BEND7: variants seen among roughly 807,000 people sequenced by gnomAD.
The protein encoded by BEND7 is BEN domain-containing protein 7.
In BEND7, 28 loss-of-function variants were observed where a neutral mutation model predicts 50.9. The ratio of observed to expected loss-of-function variants is 0.55; its 90% CI spans 0.41 to 0.75. The LOEUF (loss-of-function observed/expected upper bound fraction) is 0.75. BEND7 is among the 30% of genes least tolerant of loss of function. BEND7 has a pLI of 0.00. For missense variants in BEND7, 477 were observed against 491.3 expected (o/e 0.97, Z 0.28); for synonymous variants, 170 against 183.9 (o/e 0.92, Z 0.61).
chr10:13,516,199 T>C (rs1050929018), intron 2 of BEND7, among the ~76,000 whole-genome samples: 1 of 152,176 alleles, frequency 6.6e-6, no homozygotes, highest in African/African-American at 2.4e-5. Context: ...AAACTGAGAC[T>C]GGAAGGATAA....
downstream of BEND7, among the ~76,000 whole-genome samples, chr10:13,440,462 C>T (rs1231572571): frequency 6.6e-6 from 1 of 152,202 alleles, no homozygotes; most frequent in African/African-American, 2.4e-5. Flanking sequence ...CAGGCAGCAG[C>T]TCCTGCCCCT....
rs1158391886 is a variant in BEND7, at chr10:13,501,235, G to A, written c.146-1155C>T. Among the ~76,000 whole-genome samples the A allele has an allele frequency of 5.9e-5, 9 of 151,912 alleles. No homozygotes were observed. The South Asian group carries it at 8.3e-4, about 14-fold the overall frequency. On this transcript the variant is annotated intron_variant, in intron 2 of 8. Coordinates refer to ENST00000466271, the MANE Select transcript of BEND7 (RefSeq NM_001369863.1). ...ACTGAAAATACAAAATTAGCCAGGC[G>A]TGGTGGCACATGCCTGTAATCCCAG... is the stretch of plus-strand genomic sequence containing the variant.
intron 7 of BEND7, among the ~76,000 whole-genome samples, chr10:13,449,892 C>T (rs777683599): frequency 3.3e-5 from 5 of 152,210 alleles, no homozygotes; most frequent in Non-Finnish European, 4.4e-5. Flanking sequence ...ATTATAACAT[C>T]TATCTGCAAC....
intron 7 of BEND7, 43 bp from the exon 8 acceptor site, chr10:13,447,359 G>A (rs1233323665): frequency 1.3e-6 from 2 of 1,599,840 alleles, no homozygotes; most frequent in Non-Finnish European, 1.7e-6. Flanking sequence ...TTAGTTCCAG[G>A]GAGCACATTC....
rs190528865 is a variant in BEND7, at chr10:13,487,861, G to C, written c.837+4750C>G. Among the ~76,000 whole-genome samples, 206 of 152,158 alleles carry C rather than the reference G, an allele frequency of 1.4e-3. 5 individuals carry two copies. The South Asian group carries it at 0.033, about 24-fold the overall frequency. ...TAATCTCAGCACTTTGCGAGGACGA[G>C]GCGGATGGATCACTTGAGGCCAGGA... On this transcript the variant is annotated intron_variant, in intron 5 of 8. Transcript: ENST00000466271.
intron 6 of BEND7, among the ~76,000 whole-genome samples, chr10:13,477,871 A>C (rs1008344978): frequency 6.6e-6 from 1 of 152,216 alleles, no homozygotes; most frequent in Non-Finnish European, 1.5e-5. Context: ...ATTTATGGAA[A>C]TACTGGTCTG....
At chr10:13,474,550 G>A (rs1165094508) in intron 6 of BEND7, among the ~76,000 whole-genome samples, 2 of 137,688 alleles carry the variant, frequency 1.5e-5, no homozygotes, top group East Asian at 4.3e-4. Flanking sequence ...GTTGGACTCG[G>A]GTTGATACCC....
chr10:13,489,715 G>A (rs1325764016), intron 5 of BEND7, among the ~76,000 whole-genome samples: 2 of 152,112 alleles, frequency 1.3e-5, no homozygotes, highest in African/African-American at 2.4e-5. Flanking sequence ...CAGGAGGATC[G>A]TTCAAATCAC....
chr10:13,513,569 C>A (rs1255287215), intron 2 of BEND7, among the ~76,000 whole-genome samples: 1 of 152,142 alleles, frequency 6.6e-6, no homozygotes, highest in Non-Finnish European at 1.5e-5. Flanking sequence ...GTCACCAAGT[C>A]CTGCTTCTTG....
At chr10:13,445,685 C>T (rs1027880240) in intron 8 of BEND7, 1 of 152,184 alleles carries the variant, frequency 6.6e-6, no homozygotes, top group African/African-American at 2.4e-5. Context: ...ACCCTCTGAC[C>T]TCAGTTTTCT....
chr10:13,504,458 G>A (rs535860220), intron 2 of BEND7, among the ~76,000 whole-genome samples: 63 of 152,182 alleles, frequency 4.1e-4, no homozygotes, highest in African/African-American at 1.2e-3. Flanking sequence ...AGTCCTTTTC[G>A]GAAGACAGGC....
chr10:13,481,179 T>C (rs1480819649), intron 5 of BEND7, 55 bp from the exon 6 acceptor site: 16 of 1,560,184 alleles, frequency 1.0e-5, no homozygotes, highest in Non-Finnish European at 1.3e-5. Context: ...CATCTGACTT[T>C]GGGTACATGA....
chr10:13,506,861 A>G lies in BEND7; in HGVS notation c.146-6781T>C, dbSNP rs556521241. Among the ~76,000 whole-genome samples, 47 of 152,214 alleles carry G rather than the reference A, an allele frequency of 3.1e-4. 1 individual carries two copies. The highest frequency in any genetic ancestry group is 1.1e-3 in the African/African-American group (46 of 41,524). ...AGGCGGGAAGAATCCATGAATGATA[A>G]CCCCAAGGTTTCCAGCTTGGGTCAC... On this transcript the variant is annotated intron_variant, in intron 2 of 8. Transcript: ENST00000466271.
At chr10:13,479,845 G>C (rs2075730893) in intron 6 of BEND7, among the ~76,000 whole-genome samples, 4 of 152,218 alleles carry the variant, frequency 2.6e-5, no homozygotes, top group Non-Finnish European at 2.9e-5. Flanking sequence ...CTTGGTACTT[G>C]CTAGTTCCAT....
At chr10:13,489,530 C>G (rs2076496540) in intron 5 of BEND7, among the ~76,000 whole-genome samples, 1 of 152,008 alleles carries the variant, frequency 6.6e-6, no homozygotes. Context: ...AGAAGAATAC[C>G]TCAAAGATGG....
chr10:13,503,476 G>C (rs1174870783), intron 2 of BEND7, among the ~76,000 whole-genome samples: 1 of 152,166 alleles, frequency 6.6e-6, no homozygotes, highest in Non-Finnish European at 1.5e-5. Flanking sequence ...ACTTTGGGAG[G>C]CTGACGTGGG....
chr10:13,438,835 C>A, downstream of BEND7: 1 of 270,758 alleles, frequency 3.7e-6, no homozygotes, highest in Non-Finnish European at 7.1e-6. Flanking sequence ...CCATCCATCC[C>A]ATGATAAGGC....
intron 2 of BEND7, chr10:13,502,873 GT>G (rs2077582333): frequency 1.0e-6 from 1 of 985,016 alleles, no homozygotes; most frequent in Non-Finnish European, 1.2e-6. Flanking sequence ...CGGCTCTCAA[GT>G]CCATGCCAGC....
At chr10:13,522,649 C>G (rs2079162048) in intron 2 of BEND7, among the ~76,000 whole-genome samples, 1 of 152,206 alleles carries the variant, frequency 6.6e-6, no homozygotes, top group Non-Finnish European at 1.5e-5. Flanking sequence ...GCGAATCTTT[C>G]CTGTAGTTCA....
Sources: allele counts gnomAD v4.1 joint callset (sites outside exome capture counted in the v4.1 genomes callset), GRCh38; gene constraint gnomAD v4.1.1; transcripts MANE v1.5; gene names NCBI Gene and HGNC (gene_info 2026-07-23, HGNC 2026-07-21).